DPH6: variants seen among roughly 807,000 people sequenced by gnomAD.
DPH6 encodes diphthine--ammonia ligase.
A neutral mutation model predicts 38.2 loss-of-function variants in DPH6; 33 were observed. That is an observed-to-expected ratio of 0.86 (90% CI 0.65 to 1.15). The LOEUF is 1.15. Among genes scored for constraint, DPH6 ranks in the 50% most tolerant of loss-of-function variants. DPH6 has a pLI of 0.00. For synonymous variants in DPH6, 108 were observed against 103.0 expected (o/e 1.05, Z -0.30); for missense variants, 325 against 320.0 (o/e 1.02, Z -0.12).
At chr15:35,442,815 CAAATCTATA>C (rs1382306690) in intron 5 of DPH6, among the ~76,000 whole-genome samples, 5 of 152,038 alleles carry the variant, frequency 3.3e-5, no homozygotes, top group Admixed American at 2.6e-4. Flanking sequence ...CCAGAATAGG[CAAATCTATA>C]AAGATATGAA....
At chr15:35,482,688 C>A (rs1046577377) in intron 3 of DPH6, among the ~76,000 whole-genome samples, 2 of 152,076 alleles carry the variant, frequency 1.3e-5, no homozygotes, top group Admixed American at 1.3e-4. Flanking sequence ...TAAGCCCTTA[C>A]CTCACACCAC....
chr15:35,327,335 CCTT>C (rs2052291000), downstream of DPH6, among the ~76,000 whole-genome samples: 1 of 144,256 alleles, frequency 6.9e-6, no homozygotes, highest in Non-Finnish European at 1.5e-5. Flanking sequence ...AGAAAAGGTT[CCTT>C]TTTTTTTTTT....
intron 6 of DPH6, chr15:35,401,285 G>C: frequency 1.1e-6 from 1 of 896,510 alleles, no homozygotes; most frequent in Non-Finnish European, 1.8e-6. Flanking sequence ...AGTTTCGGTG[G>C]GAATGACAAC....
At chr15:35,468,862 G>A (rs1299040120) in intron 3 of DPH6, among the ~76,000 whole-genome samples, 1 of 152,148 alleles carries the variant, frequency 6.6e-6, no homozygotes, top group Non-Finnish European at 1.5e-5. Flanking sequence ...GGTGTTCGGA[G>A]TTCAAGACAA....
intron 3 of DPH6, among the ~76,000 whole-genome samples, chr15:35,360,629 G>T (rs1595500146): frequency 1.3e-5 from 2 of 152,300 alleles, no homozygotes; most frequent in African/African-American, 4.8e-5. Context: ...ATGGAATTAA[G>T]TCACAGGACC....
At chr15:35,480,057 C>T (rs1382028529) in intron 3 of DPH6, among the ~76,000 whole-genome samples, 1 of 151,582 alleles carries the variant, frequency 6.6e-6, no homozygotes, top group Non-Finnish European at 1.5e-5. Flanking sequence ...TAAAAAAGTA[C>T]TATAATAATA....
intron 3 of DPH6, among the ~76,000 whole-genome samples, chr15:35,312,999 G>A (rs1039662149): frequency 1.1e-4 from 17 of 152,066 alleles, no homozygotes; most frequent in Middle Eastern, 3.2e-3. Flanking sequence ...AGGCTAAGGC[G>A]GGTGGATCAC....
At chr15:35,467,285 C>A (rs578146221) in intron 3 of DPH6, among the ~76,000 whole-genome samples, 1 of 152,272 alleles carries the variant, frequency 6.6e-6, no homozygotes, top group Admixed American at 6.5e-5. Context: ...AGACCCAAGA[C>A]TGGATGTGGT....
chr15:35,398,949 A>G (rs1379386498), intron 6 of DPH6, among the ~76,000 whole-genome samples: 1 of 152,122 alleles, frequency 6.6e-6, no homozygotes, highest in Non-Finnish European at 1.5e-5. Context: ...AAGCATAGAG[A>G]AAAAAATAAA....
chr15:35,378,613 T>C (rs1807484124), intron 7 of DPH6, among the ~76,000 whole-genome samples: 1 of 152,154 alleles, frequency 6.6e-6, no homozygotes, highest in South Asian at 2.1e-4. Flanking sequence ...AAAGAAAATG[T>C]GGCACATATA....
intron 3 of DPH6, among the ~76,000 whole-genome samples, chr15:35,316,064 T>C (rs1223857319): frequency 6.6e-6 from 1 of 152,152 alleles, no homozygotes; most frequent in African/African-American, 2.4e-5. Context: ...ACTATGAAGA[T>C]AAATTGATTA....
intron 5 of DPH6, among the ~76,000 whole-genome samples, chr15:35,437,136 GAA>G (rs892177104): frequency 6.6e-6 from 1 of 152,034 alleles, no homozygotes; most frequent in African/African-American, 2.4e-5. Context: ...TCAGACGAAA[GAA>G]AGAGGGATGC....
chr15:35,158,851 T>C, the DPH6 span, among the ~76,000 whole-genome samples: 10 of 152,070 alleles, frequency 6.6e-5, no homozygotes, highest in African/African-American at 2.2e-4. Flanking sequence ...TTTACTCACC[T>C]AGAACAACCC....
chr15:35,338,504 A>C (rs1323955613), intron 3 of DPH6, among the ~76,000 whole-genome samples: 1 of 152,218 alleles, frequency 6.6e-6, no homozygotes, highest in Non-Finnish European at 1.5e-5. Context: ...ACCAGTTAGA[A>C]TGGCAATCAT....
intron 3 of DPH6, among the ~76,000 whole-genome samples, chr15:35,340,091 T>A (rs1163357355): frequency 6.6e-6 from 1 of 152,158 alleles, no homozygotes; most frequent in Non-Finnish European, 1.5e-5. Context: ...TTTAGCACAG[T>A]TAGATTTTCT....
the DPH6 span, among the ~76,000 whole-genome samples, chr15:35,154,697 C>A: frequency 6.6e-6 from 1 of 152,144 alleles, no homozygotes; most frequent in Non-Finnish European, 1.5e-5. Flanking sequence ...CTGAAAGGAA[C>A]ACTAATAAGA....
chr15:35,322,040 C>T (rs1225845036), intron 3 of DPH6, among the ~76,000 whole-genome samples: 1 of 152,062 alleles, frequency 6.6e-6, no homozygotes, highest in Non-Finnish European at 1.5e-5. Flanking sequence ...AGAAAATAGC[C>T]CTCATGCACT....
intron 5 of DPH6, among the ~76,000 whole-genome samples, chr15:35,449,382 A>G (rs1254372464): frequency 6.6e-6 from 1 of 152,096 alleles, no homozygotes; most frequent in African/African-American, 2.4e-5. Context: ...AATATCGGTT[A>G]TATACTATTA....
At chr15:35,535,181 C>A (rs1189017606) in intron 3 of DPH6, among the ~76,000 whole-genome samples, 1 of 152,052 alleles carries the variant, frequency 6.6e-6, no homozygotes, top group Non-Finnish European at 1.5e-5. Context: ...GTACACCAAG[C>A]ATAAAGACAC....
Sources: allele counts gnomAD v4.1 joint callset (sites outside exome capture counted in the v4.1 genomes callset), GRCh38; gene constraint gnomAD v4.1.1; transcripts MANE v1.5; gene names NCBI Gene and HGNC (gene_info 2026-07-23, HGNC 2026-07-21).